Variants in MACROD2 observed in about 807,000 individuals in gnomAD.
MACROD2 encodes mono-ADP ribosylhydrolase 2, also known as ADP-ribose glycohydrolase MACROD2.
In MACROD2, 36 loss-of-function variants were observed where a neutral mutation model predicts 70.4. That is an observed-to-expected ratio of 0.51 (90% CI 0.39 to 0.68). MACROD2 has a LOEUF of 0.68. MACROD2 is among the 30% of genes least tolerant of loss of function. MACROD2 has a pLI of 0.00. For synonymous variants in MACROD2, 172 were observed against 178.8 expected, an observed-to-expected ratio of 0.96 and a Z score of 0.30; for missense variants, 496 against 538.4, an observed-to-expected ratio of 0.92 and a Z score of 0.78.
At chr20:14,277,761 C>T (rs982112168) in intron 3 of MACROD2, among the ~76,000 whole-genome samples, 4 of 151,640 alleles carry the variant, frequency 2.6e-5, no homozygotes, top group Admixed American at 6.6e-5. Flanking sequence ...TAATTTAATC[C>T]GAGGTGTGGG....
At chr20:15,660,020 G>A (rs908296175) in intron 8 of MACROD2, among the ~76,000 whole-genome samples, 25 of 152,070 alleles carry the variant, frequency 1.6e-4, no homozygotes, top group Non-Finnish European at 3.1e-4. Context: ...TGAAGGTAGA[G>A]TCTGTATCTA....
At chr20:15,260,099 C>T (rs376978733) in intron 6 of MACROD2, among the ~76,000 whole-genome samples, 3 of 151,566 alleles carry the variant, frequency 2.0e-5, no homozygotes, top group African/African-American at 7.3e-5. Flanking sequence ...ATTGGGATAT[C>T]CAATTACCTT....
chr20:15,434,683 A>G (rs2046406360), intron 7 of MACROD2, among the ~76,000 whole-genome samples: 1 of 152,152 alleles, frequency 6.6e-6, no homozygotes, highest in African/African-American at 2.4e-5. Context: ...TATCCAGAGG[A>G]AAAGAAGTCG....
At chr20:15,273,702 C>T (rs1338454410) in intron 6 of MACROD2, among the ~76,000 whole-genome samples, 1 of 152,142 alleles carries the variant, frequency 6.6e-6, no homozygotes, top group Non-Finnish European at 1.5e-5. Context: ...TGTCTGGATA[C>T]AATTATTGGC....
intron 5 of MACROD2, among the ~76,000 whole-genome samples, chr20:15,073,453 G>A (rs566332184): frequency 2.1e-5 from 3 of 140,840 alleles, no homozygotes; most frequent in African/African-American, 8.2e-5. Context: ...TATTTCAGAA[G>A]TGTAATTCTC....
At chr20:14,700,531 G>T (rs920971327) in intron 5 of MACROD2, among the ~76,000 whole-genome samples, 1 of 144,408 alleles carries the variant, frequency 6.9e-6, no homozygotes, top group Admixed American at 6.8e-5. Flanking sequence ...TGGTGTGTGT[G>T]TGTGTGTGTG....
intron 4 of MACROD2, among the ~76,000 whole-genome samples, chr20:14,576,281 A>G (rs1047348336): frequency 3.9e-5 from 6 of 152,224 alleles, no homozygotes; most frequent in Non-Finnish European, 7.3e-5. Flanking sequence ...GATGGCCAGT[A>G]GCAACAGAGC....
chr20:14,463,904 A>G (rs2084404793), intron 3 of MACROD2, among the ~76,000 whole-genome samples: 1 of 151,836 alleles, frequency 6.6e-6, no homozygotes, highest in Non-Finnish European at 1.5e-5. Flanking sequence ...ATGGTGGATA[A>G]GCTTTTTGAT....
At chr20:15,488,540 A>G (rs1274902568) in intron 7 of MACROD2, among the ~76,000 whole-genome samples, 1 of 152,288 alleles carries the variant, frequency 6.6e-6, no homozygotes, top group East Asian at 1.9e-4. Flanking sequence ...CCTGCAATCC[A>G]AGGTGAGGAG....
At chr20:15,611,480 T>C (rs1464643220) in intron 8 of MACROD2, among the ~76,000 whole-genome samples, 2 of 152,170 alleles carry the variant, frequency 1.3e-5, no homozygotes, top group Non-Finnish European at 2.9e-5. Context: ...ATAAACACCC[T>C]GCATGCTTGC....
intron 8 of MACROD2, among the ~76,000 whole-genome samples, chr20:15,658,148 AAC>A (rs113868154): frequency 0.09 from 13,670 of 152,002 alleles, 987 homozygotes; most frequent in African/African-American, 0.19. Context: ...AATAATTAAA[AAC>A]AGTAAAATAA....
chr20:15,860,493 G>A (rs771991811), intron 8 of MACROD2, among the ~76,000 whole-genome samples: 3 of 152,150 alleles, frequency 2.0e-5, no homozygotes, highest in Non-Finnish European at 2.9e-5. Flanking sequence ...GAAATTCCAA[G>A]TAGTTCAATG....
At chr20:14,563,100 T>G (rs1751735317) in intron 4 of MACROD2, among the ~76,000 whole-genome samples, 1 of 151,796 alleles carries the variant, frequency 6.6e-6, no homozygotes, top group Non-Finnish European at 1.5e-5. Flanking sequence ...TAGGGTGGAA[T>G]TGACCTCAAT....
chr20:15,834,757 A>ATTTTG (rs913318937), intron 8 of MACROD2, among the ~76,000 whole-genome samples: 1 of 152,102 alleles, frequency 6.6e-6, no homozygotes, highest in Non-Finnish European at 1.5e-5. Flanking sequence ...GTAGTAAAAC[A>ATTTTG]TTTTGTTTTG....
intron 5 of MACROD2, among the ~76,000 whole-genome samples, chr20:15,040,384 C>A (rs968951272): frequency 6.6e-6 from 1 of 151,932 alleles, no homozygotes; most frequent in African/African-American, 2.4e-5. Flanking sequence ...TCCACTCCTT[C>A]CTTTTACTTC....
At chr20:15,561,939 C>T (rs2048250211) in intron 8 of MACROD2, among the ~76,000 whole-genome samples, 1 of 152,030 alleles carries the variant, frequency 6.6e-6, no homozygotes, top group Non-Finnish European at 1.5e-5. Flanking sequence ...TGGCAGAGAA[C>T]TCTTTGCTGC....
intron 15 of MACROD2, among the ~76,000 whole-genome samples, chr20:16,004,023 G>A (rs938697840): frequency 1.4e-4 from 21 of 152,046 alleles, no homozygotes; most frequent in African/African-American, 4.3e-4. Context: ...CTGGTCCAGG[G>A]ACCACAGCTT....
chr20:15,420,442 C>T (rs190963095), intron 6 of MACROD2, among the ~76,000 whole-genome samples: 2 of 152,230 alleles, frequency 1.3e-5, no homozygotes, highest in African/African-American at 2.4e-5. Flanking sequence ...CTTCACTGGC[C>T]GTTTCTATGT....
intron 15 of MACROD2, among the ~76,000 whole-genome samples, chr20:16,036,499 T>C (rs775136): frequency 0.74 from 112,425 of 151,864 alleles, 43,357 homozygotes; most frequent in Non-Finnish European, 0.84. Context: ...GTCCCAGACT[T>C]TTTCTATTTC....
Sources: gnomAD v4.1 joint callset for allele counts (sites outside exome capture counted in the v4.1 genomes callset) on GRCh38, gnomAD v4.1.1 for gene constraint, MANE v1.5 for transcripts, NCBI Gene and HGNC (gene_info 2026-07-23, HGNC 2026-07-21) for gene names.